Variants in CNTNAP2 observed in about 807,000 individuals in gnomAD.
CNTNAP2 encodes the protein contactin-associated protein-like 2.
Under a neutral mutation model 155.2 loss-of-function variants are expected in CNTNAP2, and 98 were observed. The ratio of observed to expected loss-of-function variants is 0.63; its 90% CI spans 0.54 to 0.75. CNTNAP2 has a LOEUF of 0.75. Ranked by LOEUF, CNTNAP2 falls within the 30% of genes least tolerant of loss-of-function variation. The probability of loss-of-function intolerance (pLI) is 0.00; values close to 1 mark genes in which losing one functional copy is unlikely to be tolerated. For missense variants in CNTNAP2, 1,727 were observed against 1,688.1 expected, an observed-to-expected ratio of 1.02 and a Z score of -0.40; for synonymous variants, 651 against 631.2, an observed-to-expected ratio of 1.03 and a Z score of -0.47.
At chr7:148,398,242 A>T (rs1563073110) in intron 22 of CNTNAP2, among the ~76,000 whole-genome samples, 2 of 152,166 alleles carry the variant, frequency 1.3e-5, no homozygotes, top group South Asian at 4.1e-4. Context: ...TCATCTATGT[A>T]TTATACTAGT....
At chr7:146,756,101 A>G (rs543609871) in intron 1 of CNTNAP2, among the ~76,000 whole-genome samples, 1 of 151,940 alleles carries the variant, frequency 6.6e-6, no homozygotes, top group Non-Finnish European at 1.5e-5. Flanking sequence ...AGGAAAAAAT[A>G]ATATTTTGAT....
intron 14 of CNTNAP2, among the ~76,000 whole-genome samples, chr7:147,922,879 A>G (rs1200087333): frequency 6.6e-6 from 1 of 152,218 alleles, no homozygotes. Flanking sequence ...TCAATATTAG[A>G]TGCCAATGTT....
At chr7:146,563,248 C>A (rs1295393856) in intron 1 of CNTNAP2, among the ~76,000 whole-genome samples, 2 of 152,128 alleles carry the variant, frequency 1.3e-5, no homozygotes, top group Admixed American at 1.3e-4. Flanking sequence ...TATATTCTTG[C>A]ATTTCCTCAT....
At chr7:147,534,225 G>T (rs550445503) in intron 11 of CNTNAP2, among the ~76,000 whole-genome samples, 2 of 152,094 alleles carry the variant, frequency 1.3e-5, no homozygotes, top group East Asian at 1.9e-4. Flanking sequence ...GGCCAGTAAC[G>T]CTGGTGAACA....
rs142602239 is a variant in CNTNAP2, at chr7:147,338,559, A to G, written c.1498+38269A>G. Among the ~76,000 whole-genome samples the G allele has an allele frequency of 2.9e-3, 449 of 152,270 alleles. 4 individuals are homozygous for G. Among genetic ancestry groups the G allele is most frequent in the African/African-American group, 0.01 (429 of 41,562 alleles). On this transcript the variant is annotated intron_variant, in intron 9 of 23. Coordinates refer to ENST00000361727, the MANE Select transcript of CNTNAP2 (RefSeq NM_014141.6). ...GTCACAGAACTGTTAGAATTTAAGTAGTATATTATTAAAGCCTATTAGATC... is the reference window on the plus strand; with the variant it reads ...GTCACAGAACTGTTAGAATTTAAGTGGTATATTATTAAAGCCTATTAGATC...
intron 14 of CNTNAP2, among the ~76,000 whole-genome samples, chr7:147,925,674 G>T (rs1004390796): frequency 6.6e-6 from 1 of 152,112 alleles, no homozygotes; most frequent in African/African-American, 2.4e-5. Context: ...TGTTAGCCAG[G>T]ATAGTCTCGA....
intron 12 of CNTNAP2, among the ~76,000 whole-genome samples, chr7:147,588,951 A>G (rs1800686898): frequency 6.6e-6 from 1 of 152,214 alleles, no homozygotes; most frequent in African/African-American, 2.4e-5. Flanking sequence ...GCTCTGCATT[A>G]TAAGGGTATA....
chr7:146,917,141 T>C (rs1796409784), intron 3 of CNTNAP2, among the ~76,000 whole-genome samples: 1 of 152,198 alleles, frequency 6.6e-6, no homozygotes, highest in South Asian at 2.1e-4. Context: ...GAGTTTCTTT[T>C]GGAGTTGATT....
At chr7:146,234,848 G>A (rs998892534) in intron 1 of CNTNAP2, among the ~76,000 whole-genome samples, 6 of 152,328 alleles carry the variant, frequency 3.9e-5, no homozygotes, top group African/African-American at 1.4e-4. Context: ...TTTTACATAA[G>A]AAACTGAGCA....
intron 13 of CNTNAP2, among the ~76,000 whole-genome samples, chr7:147,858,231 C>T (rs1201408875): frequency 3.9e-5 from 6 of 152,100 alleles, no homozygotes; most frequent in Admixed American, 2.6e-4. Flanking sequence ...GGATGACAGG[C>T]GCCTGCCACC....
chr7:147,955,707 C>A (rs1390789347), intron 14 of CNTNAP2, among the ~76,000 whole-genome samples: 2 of 152,118 alleles, frequency 1.3e-5, no homozygotes, highest in Non-Finnish European at 2.9e-5. Context: ...AGTCCCTGAC[C>A]AAGTGGATCG....
intron 12 of CNTNAP2, among the ~76,000 whole-genome samples, chr7:147,600,257 T>C (rs1204318403): frequency 6.6e-6 from 1 of 152,172 alleles, no homozygotes; most frequent in African/African-American, 2.4e-5. Context: ...AGAGCAAAAG[T>C]ATTTTTCTTC....
At chr7:146,924,784 T>G (rs1417930192) in intron 3 of CNTNAP2, among the ~76,000 whole-genome samples, 3 of 152,148 alleles carry the variant, frequency 2.0e-5, no homozygotes, top group Non-Finnish European at 4.4e-5. Context: ...TTTGTTCATT[T>G]GTTTTTGTTT....
At chr7:146,548,798 G>GTTTTTTTTTTTTTTTTTTGTTT (rs71165013) in intron 1 of CNTNAP2, among the ~76,000 whole-genome samples, 1 of 123,718 alleles carries the variant, frequency 8.1e-6, no homozygotes, top group Non-Finnish European at 1.7e-5. Context: ...CATTCTCTAG[G>GTTTTTTTTTTTTTTTTTTGTTT]TTTTTTTTTT....
chr7:146,128,547 T>C (rs1408463422), intron 1 of CNTNAP2, among the ~76,000 whole-genome samples: 1 of 152,170 alleles, frequency 6.6e-6, no homozygotes, highest in Non-Finnish European at 1.5e-5. Context: ...ATTTAAGACT[T>C]AGTCGCTACT....
chr7:146,880,269 G>A (rs1011321628), intron 3 of CNTNAP2, among the ~76,000 whole-genome samples: 24 of 152,096 alleles, frequency 1.6e-4, no homozygotes, highest in African/African-American at 2.9e-4. Context: ...TGGAGCCTTC[G>A]TGATGGGATT....
intron 1 of CNTNAP2, among the ~76,000 whole-genome samples, chr7:146,203,989 A>T (rs7799566): frequency 6.6e-6 from 1 of 152,148 alleles, no homozygotes; most frequent in South Asian, 2.1e-4. Flanking sequence ...TACTACATAT[A>T]TGACTTTTCA....
At chr7:146,854,886 T>C (rs761213993) in intron 3 of CNTNAP2, among the ~76,000 whole-genome samples, 12 of 152,138 alleles carry the variant, frequency 7.9e-5, no homozygotes, top group Non-Finnish European at 8.8e-5. Context: ...TTTTTGTTGT[T>C]GTTGTTCTAT....
At chr7:148,035,915 C>T (rs533790363) in intron 15 of CNTNAP2, among the ~76,000 whole-genome samples, 2 of 152,336 alleles carry the variant, frequency 1.3e-5, no homozygotes, top group South Asian at 4.1e-4. Context: ...AGAAGTCAAA[C>T]TTTATTCTGG....
Sources: allele counts gnomAD v4.1 joint callset (sites outside exome capture counted in the v4.1 genomes callset), GRCh38; gene constraint gnomAD v4.1.1; transcripts MANE v1.5; gene names NCBI Gene and HGNC (gene_info 2026-07-23, HGNC 2026-07-21).